The following IL2RB variants were observed in gnomAD, a reference collection of about 807,000 sequenced individuals.
The protein encoded by IL2RB is interleukin 2 receptor subunit beta.
IL2RB carries 17 observed loss-of-function variants against 44.2 expected under a neutral mutation model. That is an observed-to-expected ratio of 0.38 (90% CI 0.26 to 0.58). The LOEUF is 0.58. IL2RB is among the 20% of genes least tolerant of loss of function. IL2RB has a pLI of 0.63. For missense variants in IL2RB, 624 were observed against 685.5 expected, an observed-to-expected ratio of 0.91 and a Z score of 1.00; for synonymous variants, 286 against 297.9, an observed-to-expected ratio of 0.96 and a Z score of 0.41.
At chr22:37,168,681 G>C (rs1923160148) in intron 1 of IL2RB, among the ~76,000 whole-genome samples, 1 of 152,238 alleles carries the variant, frequency 6.6e-6, no homozygotes, top group East Asian at 1.9e-4. Context: ...TTCTCTGGGA[G>C]GATGGGGATG....
intron 7 of IL2RB, 25 bp downstream of exon 7, chr22:37,136,202 CT>C (rs1316812523): frequency 1.3e-6 from 2 of 1,595,072 alleles, no homozygotes; most frequent in African/African-American, 2.7e-5. Flanking sequence ...CCTGAGCCCC[CT>C]CTCACCCTTG....
rs1921284345 is a variant in IL2RB, at chr22:37,128,940, C to T, written c.904-92G>A. The stretch of plus-strand genomic sequence containing the variant: ...CTCTCAACAGCTCCTAACTCCTCCT[C>T]CTCCTGAAGCAGTTGGCCCAGGGCT... On this transcript the variant is annotated intron_variant, in intron 9 of 9. Transcript: ENST00000216223. This position sits in a 1 kb window ranked among gnomAD's most constrained non-coding sequence, Gnocchi z 4.5. 14 of 1,418,018 alleles carry T rather than the reference C, an allele frequency of 9.9e-6. No individual in the cohort carries two copies. The South Asian group carries it at 1.7e-4, about 17-fold the overall frequency. 87.8% of individuals were successfully genotyped at this position (1,418,018 alleles called of 1,614,324 possible). A position where few individuals can be genotyped will look rare whatever the true frequency, so the allele number is the denominator to read the frequency against.
chr22:37,159,827 G>A (rs534220036), intron 1 of IL2RB, among the ~76,000 whole-genome samples: 4 of 152,196 alleles, frequency 2.6e-5, no homozygotes, highest in Non-Finnish European at 5.9e-5. Flanking sequence ...CCCCCACTTT[G>A]GTTGGCACTC....
At chr22:37,135,478 T>A (rs1402725752) in intron 7 of IL2RB, 36 bp from the exon 8 acceptor site, 1 of 1,373,986 alleles carries the variant, frequency 7.3e-7, no homozygotes, top group Non-Finnish European at 1.0e-6. Flanking sequence ...AGGAGAGGGG[T>A]TAGAGAAGTG....
intron 1 of IL2RB, among the ~76,000 whole-genome samples, chr22:37,166,285 C>G (rs982936116): frequency 6.6e-6 from 1 of 152,180 alleles, no homozygotes; most frequent in Admixed American, 6.5e-5. Context: ...CACCTCCTGC[C>G]GAGAGGAAGC....
At chr22:37,165,902 C>G (rs1923060647) in intron 1 of IL2RB, among the ~76,000 whole-genome samples, 1 of 152,146 alleles carries the variant, frequency 6.6e-6, no homozygotes. Context: ...TCAAGAGGGC[C>G]AGACTCCCCT....
At chr22:37,172,135 GC>G in intron 1 of IL2RB, among the ~76,000 whole-genome samples, 1 of 150,600 alleles carries the variant, frequency 6.6e-6, no homozygotes. Flanking sequence ...TAGGTGGTTT[GC>G]ATTTCTGGGA....
intron 1 of IL2RB, among the ~76,000 whole-genome samples, chr22:37,157,488 C>G (rs1922720414): frequency 6.6e-6 from 1 of 152,242 alleles, no homozygotes. Flanking sequence ...CAGCTCCTAT[C>G]TTGTGCAAAC....
intron 7 of IL2RB, 22 bp from the exon 8 acceptor site, chr22:37,135,464 A>G (rs1409279846): frequency 6.7e-7 from 1 of 1,498,132 alleles, no homozygotes; most frequent in Admixed American, 1.7e-5. Context: ...TGGGAGAAAC[A>G]GCAAGGAGAG....
At chr22:37,130,094 G>T (rs779856127) in intron 9 of IL2RB, among the ~76,000 whole-genome samples, 1 of 152,158 alleles carries the variant, frequency 6.6e-6, no homozygotes, top group African/African-American at 2.4e-5. Flanking sequence ...AATTAAATCC[G>T]CCCCCTTTCT....
At position 37,128,208 on chromosome 22, in the gene IL2RB, C is replaced by T; in HGVS notation, c.1544G>A (p.Arg515Lys). Reference protein sequence around the residue: ...PREGVSFPWSRPPGQGEFRAL... With the variant: ...PREGVSFPWSKPPGQGEFRAL... ...CCTGAACTCCCCCTGCCCAGGAGGC[C>T]TGGACCAGGGGAAACTGACTCCCTC... Residue 515 changes from arginine (R) to lysine (K), a missense_variant, in exon 10 of 10, where the codon AGG becomes AAG. Arg to Lys is a conservative substitution (Grantham distance 26). Coordinates refer to ENST00000216223, the MANE Select transcript of IL2RB (RefSeq NM_000878.5). This position sits in a 1 kb window ranked among gnomAD's most constrained non-coding sequence, Gnocchi z 4.5. 6.6e-7 allele frequency: 1 copy of T among 1,519,568 alleles called. No homozygotes were observed. Among genetic ancestry groups the T allele is most frequent in the Non-Finnish European group, 8.8e-7 (1 of 1,136,898 alleles). 94.1% of individuals were successfully genotyped at this position (1,519,568 alleles called of 1,614,324 possible).
upstream of IL2RB, among the ~76,000 whole-genome samples, chr22:37,154,244 G>T (rs1230619560): frequency 6.6e-6 from 1 of 152,192 alleles, no homozygotes; most frequent in Admixed American, 6.5e-5. Flanking sequence ...TTTTGTCAAG[G>T]GTCCTAGCCC....
At chr22:37,156,932 T>C (rs1010919290) in intron 1 of IL2RB, among the ~76,000 whole-genome samples, 9 of 152,130 alleles carry the variant, frequency 5.9e-5, no homozygotes, top group Non-Finnish European at 1.0e-4. Context: ...TGCTCGGTGC[T>C]GTGACCTGTC....
intron 1 of IL2RB, among the ~76,000 whole-genome samples, chr22:37,156,119 G>A (rs975418097): frequency 9.2e-5 from 14 of 152,096 alleles, no homozygotes; most frequent in African/African-American, 2.7e-4. Flanking sequence ...TCTCCACTCC[G>A]CCTCCCAGGA....
intron 9 of IL2RB, 110 bp downstream of exon 9, chr22:37,132,274 C>T: frequency 1.3e-6 from 1 of 768,268 alleles, no homozygotes; most frequent in Non-Finnish European, 2.2e-6. Flanking sequence ...AGGCTGCTCA[C>T]TTCGGCGTTT....
intron 1 of IL2RB, among the ~76,000 whole-genome samples, chr22:37,145,807 A>G (rs1450209308): frequency 6.6e-6 from 1 of 151,888 alleles, no homozygotes; most frequent in Non-Finnish European, 1.5e-5. Flanking sequence ...CCATCTCGAG[A>G]GCTTCCAAGG....
chr22:37,144,970 C>CA (rs3218270), intron 1 of IL2RB, among the ~76,000 whole-genome samples: 6,414 of 151,778 alleles, frequency 0.042, 468 homozygotes, highest in African/African-American at 0.15. Context: ...GGCATCTGGC[C>CA]AAAAAAAATT....
At chr22:37,164,658 A>G (rs1923007113) in intron 1 of IL2RB, among the ~76,000 whole-genome samples, 1 of 151,914 alleles carries the variant, frequency 6.6e-6, no homozygotes, top group Admixed American at 6.6e-5. Flanking sequence ...GTCCCTTCTC[A>G]GGCCCAGAAT....
intron 1 of IL2RB, among the ~76,000 whole-genome samples, chr22:37,148,033 C>G (rs1307479064): frequency 2.0e-5 from 3 of 152,234 alleles, no homozygotes; most frequent in African/African-American, 7.2e-5. Flanking sequence ...AGGACAGGAA[C>G]TGCAGAGAGC....
Sources: allele counts gnomAD v4.1 joint callset (sites outside exome capture counted in the v4.1 genomes callset), GRCh38; gene constraint gnomAD v4.1.1; non-coding constraint Gnocchi (gnomAD v3.1); transcripts MANE v1.5; gene names NCBI Gene and HGNC (gene_info 2026-07-23, HGNC 2026-07-21).